The following ANHX variants were observed in gnomAD, a reference collection of about 807,000 sequenced individuals.
ANHX encodes the protein anomalous homeobox, also known as anomalous homeobox protein.
In ANHX, 20 loss-of-function variants were observed where a neutral mutation model predicts 38.9. The observed-to-expected ratio is 0.51, with a 90% CI of 0.36 to 0.75. The LOEUF is 0.75. ANHX is among the 30% of genes least tolerant of loss of function. ANHX has a pLI of 0.00. For missense variants in ANHX, 475 were observed against 493.1 expected, an observed-to-expected ratio of 0.96 and a Z score of 0.35; for synonymous variants, 185 against 203.1, an observed-to-expected ratio of 0.91 and a Z score of 0.76.
intron 8 of ANHX, among the ~76,000 whole-genome samples, chr12:133,220,109 G>T (rs185557462): frequency 2.6e-5 from 4 of 152,308 alleles, no homozygotes; most frequent in Middle Eastern, 6.8e-3. Flanking sequence ...CGAAAGGCAG[G>T]AGGAGGGTAC....
intron 2 of ANHX, 46 bp from the exon 3 acceptor site, chr12:133,231,690 A>G (rs896906731): frequency 3.3e-6 from 5 of 1,534,066 alleles, no homozygotes; most frequent in Non-Finnish European, 3.5e-6. Context: ...CCCACCCTGG[A>G]GCACTGTTGG....
At position 133,218,810 on chromosome 12, in the gene ANHX, G is replaced by C. The variant is rs1030836550; in HGVS notation, c.*75C>G. ...CATTTTGTATTCAGGATAAAGCTCT[G>C]TAACTCCTTGTGTTGACCAGGCAGA... On this transcript the variant is annotated 3_prime_UTR_variant, in exon 10 of 10. Coordinates refer to ENST00000545940, the MANE Select transcript of ANHX (RefSeq NM_001372060.1). The C allele has an allele frequency of 2.6e-6, 3 of 1,162,852 alleles. No individual in the cohort carries two copies. The highest frequency in any genetic ancestry group is 3.5e-6 in the Non-Finnish European group (3 of 860,498). 72.0% of individuals were successfully genotyped at this position (1,162,852 alleles called of 1,614,324 possible).
chr12:133,227,853 C>A lies in ANHX; in HGVS notation c.472G>T (p.Val158Leu). ...TCAGCCTTGCTGGGGTTGGTGTTCA[C>A]CCCCACAGCGAAATTGTGCAGCTTC... is the stretch of plus-strand genomic sequence containing the variant. Reference protein sequence around the residue: ...REKLHNFAVGVNTNPSKAERE... With the variant: ...REKLHNFAVGLNTNPSKAERE... Residue 158 changes from valine (V) to leucine (L), a missense_variant, in exon 4 of 10, where the codon GTG becomes TTG. Transcript: ENST00000545940. 6.5e-7 allele frequency: 1 copy of A among 1,535,328 alleles called. No homozygotes were observed. The highest frequency in any genetic ancestry group is 8.7e-7 in the Non-Finnish European group (1 of 1,146,646).
At chr12:133,222,957 G>A (rs1957131378) in intron 7 of ANHX, among the ~76,000 whole-genome samples, 2 of 152,154 alleles carry the variant, frequency 1.3e-5, no homozygotes, top group African/African-American at 2.4e-5. Flanking sequence ...TTGGGAGGCC[G>A]AGGCAGGTGG....
intron 5 of ANHX, 70 bp from the exon 6 acceptor site, chr12:133,226,508 G>A (rs979076280): frequency 3.4e-6 from 5 of 1,471,732 alleles, no homozygotes; most frequent in Non-Finnish European, 4.5e-6. Context: ...CATCAGGTAT[G>A]AGCAGCCCTG....
At chr12:133,230,345 C>T (rs1402053426) in intron 3 of ANHX, among the ~76,000 whole-genome samples, 2 of 152,316 alleles carry the variant, frequency 1.3e-5, no homozygotes, top group South Asian at 2.1e-4. Flanking sequence ...GGGCTTCTGA[C>T]GACTTGTCTT....
At chr12:133,227,780 A>T in intron 4 of ANHX, 44 bp downstream of exon 4, 1 of 1,532,786 alleles carries the variant, frequency 6.5e-7, no homozygotes, top group Non-Finnish European at 8.7e-7. Flanking sequence ...ACAGGGAGGC[A>T]CCAGGCAGGG....
chr12:133,227,269 C>A, intron 4 of ANHX, 117 bp from the exon 5 acceptor site: 1 of 1,138,164 alleles, frequency 8.8e-7, no homozygotes. Flanking sequence ...CCCAGCCTAA[C>A]CTCTCCAAGG....
intron 7 of ANHX, among the ~76,000 whole-genome samples, chr12:133,225,335 A>C (rs1957176530): frequency 6.6e-6 from 1 of 152,098 alleles, no homozygotes; most frequent in South Asian, 2.1e-4. Flanking sequence ...ACACACACAC[A>C]CACACACAAT....
Position 133,226,326 on chromosome 12 carries a change from C to T in ANHX, c.831G>A (p.Leu277=), listed in dbSNP as rs780768589. Residue 277 remains leucine (L), a synonymous_variant, in exon 6 of 10, where the codon CTG becomes CTA. Coordinates refer to ENST00000545940, the MANE Select transcript of ANHX (RefSeq NM_001372060.1). ...FPADETVSKP[L]DVRSLPGGEM... ...CATGGAGATGACAGTACCTGACATC[C>T]AGTGGCTTTGAGACTGTCTCATCTG... 1.2e-5 allele frequency: 19 copies of T among 1,536,228 alleles called. 1 individual carries two copies. In the South Asian group the frequency reaches 2.3e-4, roughly 18 times the overall value.
chr12:133,223,901 G>T (rs1047543472), intron 7 of ANHX, among the ~76,000 whole-genome samples: 3 of 151,950 alleles, frequency 2.0e-5, no homozygotes, highest in Non-Finnish European at 4.4e-5. Context: ...AATTATGAGG[G>T]GGGGAAAAGC....
intron 6 of ANHX, among the ~76,000 whole-genome samples, 197 bp from the exon 7 acceptor site, chr12:133,226,025 G>C (rs1168758374): frequency 6.6e-6 from 1 of 152,234 alleles, no homozygotes; most frequent in Non-Finnish European, 1.5e-5. Context: ...TTGTCTTTAG[G>C]TGGCAGGGCT....
intron 7 of ANHX, among the ~76,000 whole-genome samples, chr12:133,222,306 C>T (rs191593724): frequency 1.7e-4 from 26 of 152,272 alleles, no homozygotes; most frequent in Non-Finnish European, 2.9e-4. Flanking sequence ...GCAGTCAGGA[C>T]GCAAGTGCAG....
At chr12:133,220,795 T>C (rs1957098876) in intron 8 of ANHX, among the ~76,000 whole-genome samples, 1 of 152,226 alleles carries the variant, frequency 6.6e-6, no homozygotes, top group Admixed American at 6.5e-5. Context: ...TCTACAGCAC[T>C]GACACTATCA....
At chr12:133,229,506 T>C (rs1460679625) in intron 3 of ANHX, among the ~76,000 whole-genome samples, 1 of 152,068 alleles carries the variant, frequency 6.6e-6, no homozygotes, top group African/African-American at 2.4e-5. Flanking sequence ...TGGAGTCTAC[T>C]TTAGCCCTCT....
At position 133,234,247 on chromosome 12, in the gene ANHX, GC is replaced by G; in HGVS notation, c.109del (p.Ala37ProfsTer58). 1 of 1,536,168 alleles carries G rather than the reference GC, an allele frequency of 6.5e-7. No homozygotes were observed. Among genetic ancestry groups the G allele is most frequent in the Non-Finnish European group, 8.7e-7 (1 of 1,146,898 alleles). ...GGCTGTGACCAAAGGCTGCAGTTGGGCAAGGTCATCCTGGAAGTCCCGGCAC... is the reference window on the plus strand; with the variant it reads ...GGCTGTGACCAAAGGCTGCAGTTGGGAAGGTCATCCTGGAAGTCCCGGCAC... The part of the protein sequence containing the change: ...RLCRDFQDDL[A>X]QLQPLVTAIL... On this transcript the variant is annotated frameshift_variant, in exon 2 of 10. Transcript: ENST00000545940. LOFTEE classifies it high-confidence loss of function.
intron 1 of ANHX, chr12:133,235,320 C>T (rs1023879326): frequency 2.6e-5 from 4 of 152,154 alleles, no homozygotes; most frequent in African/African-American, 9.7e-5. Context: ...GGGCGGGGTT[C>T]CTGCCACTTC....
In ANHX at chr12:133,221,338, G is replaced by T. The variant is rs757997998; in HGVS notation, c.1147C>A (p.Pro383Thr). ...DPSPTGFSGPPSGHPQSVQLE... is the reference protein window; with the variant it reads ...DPSPTGFSGPTSGHPQSVQLE... Reference sequence around the variant, plus strand: ...TGCACGCTCTGGGGATGGCCGCTGGGGGGGCCAGAAAACCCTGCATGTAAT... The same window carrying T: ...TGCACGCTCTGGGGATGGCCGCTGGTGGGGCCAGAAAACCCTGCATGTAAT... The change falls in exon 8 of 10, where the codon CCC becomes ACC. Residue 383 changes from proline to threonine, a missense_variant. Transcript: ENST00000545940. The surrounding 1 kb of genome is among the most constrained non-coding windows in gnomAD (Gnocchi z 4.1). 1 of 1,535,518 alleles carries T rather than the reference G, an allele frequency of 6.5e-7. No individual in the cohort carries two copies. The highest frequency in any genetic ancestry group is 1.4e-5 in the African/African-American group (1 of 73,140).
intron 5 of ANHX, 61 bp from the exon 6 acceptor site, chr12:133,226,499 A>G: frequency 6.7e-7 from 1 of 1,491,870 alleles, no homozygotes; most frequent in Non-Finnish European, 8.9e-7. Flanking sequence ...CCTCCTTCCC[A>G]TCAGGTATGA....
Sources: gnomAD v4.1 joint callset for allele counts (sites outside exome capture counted in the v4.1 genomes callset) on GRCh38, gnomAD v4.1.1 for gene constraint, Gnocchi (gnomAD v3.1) non-coding constraint, MANE v1.5 for transcripts, NCBI Gene and HGNC (gene_info 2026-07-23, HGNC 2026-07-21) for gene names.